The following RASGRP3 variants were observed in gnomAD, a reference collection of about 807,000 sequenced individuals.
RASGRP3 encodes ras guanyl-releasing protein 3.
A neutral mutation model predicts 82.7 loss-of-function variants in RASGRP3; 54 were observed. That is an observed-to-expected ratio of 0.65 (90% CI 0.52 to 0.82). The LOEUF (loss-of-function observed/expected upper bound fraction) is 0.82. Ranked by LOEUF, RASGRP3 falls within the 40% of genes least tolerant of loss-of-function variation. RASGRP3 has a pLI of 0.00. For synonymous variants in RASGRP3, 309 were observed against 300.5 expected (o/e 1.03, Z -0.29); for missense variants, 861 against 828.9 (o/e 1.04, Z -0.48).
At chr2:33,467,980 T>TTTCTTTC (rs1666802101) in intron 2 of RASGRP3, among the ~76,000 whole-genome samples, 11 of 116,412 alleles carry the variant, frequency 9.4e-5, no homozygotes, top group African/African-American at 2.6e-4. Context: ...TGGTGAGGCT[T>TTTCTTTC]TTTCTTTCTT....
At chr2:33,485,723 C>G (rs958467387) in intron 1 of RASGRP3, among the ~76,000 whole-genome samples, 1 of 152,164 alleles carries the variant, frequency 6.6e-6, no homozygotes, top group Non-Finnish European at 1.5e-5. Context: ...TGAAGCAGAA[C>G]CAGTGTAAAA....
chr2:33,559,555 G>A (rs1456258439), intron 17 of RASGRP3: 2 of 514,194 alleles, frequency 3.9e-6, no homozygotes, highest in Admixed American at 2.0e-5. Context: ...GCCTCCGCAT[G>A]AGCAAAATCA....
intron 14 of RASGRP3, among the ~76,000 whole-genome samples, chr2:33,554,124 C>T (rs1462833279): frequency 6.6e-6 from 1 of 152,142 alleles, no homozygotes; most frequent in African/African-American, 2.4e-5. Context: ...GTGGAAGTTC[C>T]TTGTCAAAAA....
chr2:33,525,341 A>AAT (rs35258741), intron 9 of RASGRP3, among the ~76,000 whole-genome samples: 43,457 of 149,232 alleles, frequency 0.29, 7,553 homozygotes, highest in African/African-American at 0.49. Context: ...AATTGTCATG[A>AAT]ATATATATAT....
chr2:33,490,405 C>A (rs1236541953), intron 1 of RASGRP3, among the ~76,000 whole-genome samples: 1 of 152,214 alleles, frequency 6.6e-6, no homozygotes, highest in Non-Finnish European at 1.5e-5. Context: ...GTAAAACTAC[C>A]TTTGTCAAGG....
chr2:33,558,605 A>G, intron 16 of RASGRP3, 67 bp from the exon 17 acceptor site: 2 of 1,390,480 alleles, frequency 1.4e-6, no homozygotes, highest in Non-Finnish European at 2.0e-6. Context: ...TGCTGTTTGC[A>G]CTAACCTTGA....
At chr2:33,484,476 C>G (rs1668190574) in intron 1 of RASGRP3, among the ~76,000 whole-genome samples, 1 of 152,104 alleles carries the variant, frequency 6.6e-6, no homozygotes, top group African/African-American at 2.4e-5. Context: ...AAGTATTCCA[C>G]TTATGCATGG....
At chr2:33,543,685 C>A in intron 13 of RASGRP3, 58 bp downstream of exon 13, 1 of 1,222,598 alleles carries the variant, frequency 8.2e-7, no homozygotes, top group Non-Finnish European at 1.2e-6. Context: ...AAATTATTAT[C>A]AGAGGAGAGA....
chr2:33,510,362 T>C (rs1206110354), intron 1 of RASGRP3, among the ~76,000 whole-genome samples: 1 of 152,196 alleles, frequency 6.6e-6, no homozygotes, highest in Non-Finnish European at 1.5e-5. Flanking sequence ...AGAGAAAGCT[T>C]CCCTGTCATT....
Position 33,534,496 on chromosome 2 carries a change from G to T in RASGRP3, c.1161+96G>T. On this transcript the variant is annotated intron_variant, in intron 11 of 17. Coordinates refer to ENST00000403687, the MANE Select transcript of RASGRP3 (RefSeq NM_001139488.2). ...ACAATGCTGCTTTATGTTCTAAAACGGAAGAATTTTAAAAATTGACATTAT... is the reference window on the plus strand; with the variant it reads ...ACAATGCTGCTTTATGTTCTAAAACTGAAGAATTTTAAAAATTGACATTAT... 4.9e-6 allele frequency: 4 copies of T among 820,962 alleles called. No individual in the cohort carries two copies. The South Asian group carries it at 6.8e-5, about 14-fold the overall frequency. The allele number at this position is 820,962 out of a possible 1,614,324, so 50.9% of individuals were successfully genotyped here. A position where few individuals can be genotyped will look rare whatever the true frequency, so the allele number is the denominator to read the frequency against.
Position 33,536,393 on chromosome 2 carries a change from G to A in RASGRP3, c.1161+1993G>A, listed in dbSNP as rs138558113. 2.3e-3 allele frequency among the ~76,000 whole-genome samples: 350 copies of A among 151,474 alleles called. 1 individual carries two copies. The highest frequency in any genetic ancestry group is 8.3e-3 in the African/African-American group (342 of 41,322). The stretch of plus-strand genomic sequence containing the variant: ...TCTGGTGAGAGTAGGTATCTCACTC[G>A]GATCAAACAGCTGCTAAGTTGGAGA... On this transcript the variant is annotated intron_variant, in intron 11 of 17. Transcript: ENST00000403687.
intron 2 of RASGRP3, among the ~76,000 whole-genome samples, chr2:33,466,489 A>C (rs1447996782): frequency 6.6e-6 from 1 of 151,886 alleles, no homozygotes; most frequent in Non-Finnish European, 1.5e-5. Flanking sequence ...GACCAGCCTG[A>C]CCAACATGGT....
intron 13 of RASGRP3, among the ~76,000 whole-genome samples, chr2:33,548,776 G>A (rs1040797459): frequency 2.0e-5 from 3 of 151,428 alleles, no homozygotes; most frequent in East Asian, 1.9e-4. Context: ...GTGTGATCTC[G>A]GCTCACTGCA....
chr2:33,446,313 C>T (rs746681019), intron 1 of RASGRP3, among the ~76,000 whole-genome samples: 12 of 152,208 alleles, frequency 7.9e-5, no homozygotes, highest in African/African-American at 1.2e-4. Context: ...CCCGCCACCA[C>T]GCCGGGCTAA....
intron 1 of RASGRP3, among the ~76,000 whole-genome samples, chr2:33,509,869 C>T (rs918678023): frequency 2.6e-5 from 4 of 152,088 alleles, no homozygotes; most frequent in African/African-American, 9.7e-5. Flanking sequence ...AATTAATTGT[C>T]TTTCAGAGTT....
At chr2:33,531,681 A>G (rs1312961287) in intron 10 of RASGRP3, 1 of 152,212 alleles carries the variant, frequency 6.6e-6, no homozygotes, top group African/African-American at 2.4e-5. Flanking sequence ...GGCTCACACT[A>G]CTAATAAGCA....
At position 33,505,359 on chromosome 2, in the gene RASGRP3, A is replaced by G. The variant is rs919060850; in HGVS notation, c.-260-6351A>G. On this transcript the variant is annotated intron_variant, in intron 1 of 17. Transcript: ENST00000403687. ...CTCTTGTTACCCAGGCTGGAGTGCA[A>G]TGGCGCGATCTTGGCTCACCACAAC... is the stretch of plus-strand genomic sequence containing the variant. 2.0e-5 allele frequency among the ~76,000 whole-genome samples: 3 copies of G among 150,902 alleles called. No homozygotes were observed. The East Asian group carries it at 5.8e-4, about 29-fold the overall frequency.
In RASGRP3 at chr2:33,527,299, A is replaced by G. The variant is rs1466935898; in HGVS notation, c.970A>G (p.Lys324Glu). ...TTTCCCAGACTGGACAGAGGAGAAC[A>G]AAGTGAACATTGTGAAAATGCACCA... ...VIFPDWTEEN[K>E]VNIVKMHQLS... Residue 324 changes from lysine (K) to glutamate (E), a missense_variant, in exon 10 of 18, where the codon AAA becomes GAA. Lys to Glu is a moderately conservative substitution (Grantham distance 56). Coordinates refer to ENST00000403687, the MANE Select transcript of RASGRP3 (RefSeq NM_001139488.2). 2 of 1,614,014 alleles carry G rather than the reference A, an allele frequency of 1.2e-6. No individual in the cohort carries two copies. Among genetic ancestry groups the G allele is most frequent in the Non-Finnish European group, 1.7e-6 (2 of 1,179,870 alleles).
At chr2:33,525,277 A>T (rs1234209656) in intron 9 of RASGRP3, among the ~76,000 whole-genome samples, 1 of 151,992 alleles carries the variant, frequency 6.6e-6, no homozygotes, top group Admixed American at 6.6e-5. Context: ...GCACATCAGA[A>T]GATAGAAAGG....
Sources: allele counts gnomAD v4.1 joint callset (sites outside exome capture counted in the v4.1 genomes callset), GRCh38; gene constraint gnomAD v4.1.1; transcripts MANE v1.5; gene names NCBI Gene and HGNC (gene_info 2026-07-23, HGNC 2026-07-21).